CCNY: variants seen among roughly 807,000 people sequenced by gnomAD.
CCNY encodes the protein cyclin-Y.
Under a neutral mutation model 42.8 loss-of-function variants are expected in CCNY, and 19 were observed. The ratio of observed to expected loss-of-function variants is 0.44; its 90% CI spans 0.31 to 0.65. CCNY has a LOEUF of 0.65. Among genes scored for constraint, CCNY ranks in the 30% least tolerant of loss-of-function variants. The probability of loss-of-function intolerance (pLI) is 0.07; values close to 1 mark genes in which losing one functional copy is unlikely to be tolerated. For synonymous variants in CCNY, 165 were observed against 162.7 expected (o/e 1.01, Z -0.11); for missense variants, 370 against 437.3 (o/e 0.85, Z 1.37).
At chr10:35,412,307 T>TA (rs1837923849) in intron 1 of CCNY, among the ~76,000 whole-genome samples, 1 of 152,134 alleles carries the variant, frequency 6.6e-6, no homozygotes, top group South Asian at 2.1e-4. Flanking sequence ...TGATTGCCTA[T>TA]AAAAAATTAG....
At chr10:35,265,502 A>T (rs984730839) in intron 3 of CCNY, among the ~76,000 whole-genome samples, 1 of 152,224 alleles carries the variant, frequency 6.6e-6, no homozygotes, top group Admixed American at 6.5e-5. Flanking sequence ...TTTGGTGCAT[A>T]AATCAGTTAC....
chr10:35,384,659 G>A (rs541703150), intron 1 of CCNY, among the ~76,000 whole-genome samples: 1 of 152,212 alleles, frequency 6.6e-6, no homozygotes, highest in African/African-American at 2.4e-5. Flanking sequence ...ACTCACATAG[G>A]GTGAGTCCAT....
chr10:35,373,516 C>T (rs965310571), intron 1 of CCNY, among the ~76,000 whole-genome samples: 1 of 152,114 alleles, frequency 6.6e-6, no homozygotes, highest in Admixed American at 6.6e-5. Flanking sequence ...TAAAGAGGAA[C>T]GGCATACCTC....
chr10:35,548,728 A>G (rs2135445131), intron 7 of CCNY, among the ~76,000 whole-genome samples: 1 of 151,702 alleles, frequency 6.6e-6, no homozygotes, highest in East Asian at 1.9e-4. Context: ...TGTGGAAGCG[A>G]AAGAGGTGGA....
chr10:35,516,519 C>G lies in CCNY; in HGVS notation c.265-4C>G. On this transcript the variant is annotated splice_region_variant and splice_polypyrimidine_tract_variant and intron_variant, in intron 3 of 9. Coordinates refer to ENST00000374704, the MANE Select transcript of CCNY (RefSeq NM_145012.6). The stretch of plus-strand genomic sequence containing the variant: ...GCCTTAATCTTCTTGCTGTTGTTTT[C>G]TAGCATCCTCCAGGACAAATAGCAA... 1.9e-6 allele frequency: 3 copies of G among 1,607,808 alleles called. No individual in the cohort carries two copies. The highest frequency in any genetic ancestry group is 2.6e-6 in the Non-Finnish European group (3 of 1,174,628).
Position 35,336,648 on chromosome 10 carries a change from G to GGCGGCCGCCGTCGCC in CCNY, c.-403_-389dup, listed in dbSNP as rs996929881. On this transcript the variant is annotated 5_prime_UTR_variant, in exon 1 of 10. Coordinates refer to ENST00000374704, the MANE Select transcript of CCNY (RefSeq NM_145012.6). The stretch of plus-strand genomic sequence containing the variant: ...GGCTTGAACCGGAACCTCTTGCCGA[G>GGCGGCCGCCGTCGCC]GCGGCCGCCGTCGCCGCAGCCGCCG... 4.1e-5 allele frequency among the ~76,000 whole-genome samples: 6 copies of GGCGGCCGCCGTCGCC among 147,978 alleles called. No individual in the cohort carries two copies. Among genetic ancestry groups the GGCGGCCGCCGTCGCC allele is most frequent in the Non-Finnish European group, 9.0e-5 (6 of 66,318 alleles).
At chr10:35,382,928 G>A (rs1424435780) in intron 1 of CCNY, among the ~76,000 whole-genome samples, 2 of 152,180 alleles carry the variant, frequency 1.3e-5, no homozygotes, top group East Asian at 3.8e-4. Flanking sequence ...CTCATGACCA[G>A]TAGAGAGTCA....
At chr10:35,376,535 A>G (rs909196011) in intron 1 of CCNY, among the ~76,000 whole-genome samples, 8 of 152,228 alleles carry the variant, frequency 5.3e-5, no homozygotes, top group East Asian at 1.9e-4. Context: ...TTGAGTGCCA[A>G]CATGATGCTC....
intron 3 of CCNY, among the ~76,000 whole-genome samples, chr10:35,312,153 G>A (rs1300653665): frequency 3.9e-5 from 6 of 152,072 alleles, no homozygotes; most frequent in Non-Finnish European, 7.4e-5. Flanking sequence ...TGAGGCAGGC[G>A]GATCACGAGG....
intron 1 of CCNY, among the ~76,000 whole-genome samples, chr10:35,367,756 G>A (rs891041498): frequency 2.6e-5 from 4 of 152,146 alleles, no homozygotes; most frequent in South Asian, 4.1e-4. Context: ...GACTATTGCA[G>A]GTCTGCAGTT....
chr10:35,429,293 G>A (rs1436987544), intron 1 of CCNY, among the ~76,000 whole-genome samples: 1 of 152,134 alleles, frequency 6.6e-6, no homozygotes, highest in African/African-American at 2.4e-5. Flanking sequence ...ACCAGTTTTT[G>A]TTTTGAGAAA....
At chr10:35,335,205 G>A (rs897588109), upstream of CCNY, among the ~76,000 whole-genome samples, 2 of 151,932 alleles carry the variant, frequency 1.3e-5, no homozygotes, top group East Asian at 3.9e-4. Context: ...GTGGGCGTCG[G>A]GAGGGAATGC....
At chr10:35,515,354 C>G (rs1377208491) in intron 3 of CCNY, among the ~76,000 whole-genome samples, 1 of 152,194 alleles carries the variant, frequency 6.6e-6, no homozygotes, top group Non-Finnish European at 1.5e-5. Flanking sequence ...CATTTGTTAT[C>G]TAGTTTTGAG....
At chr10:35,407,122 G>A (rs901592914) in intron 1 of CCNY, among the ~76,000 whole-genome samples, 3 of 152,154 alleles carry the variant, frequency 2.0e-5, no homozygotes, top group Non-Finnish European at 4.4e-5. Context: ...GAAAAAAGGA[G>A]CATTAACCTT....
chr10:35,376,217 G>A (rs1342242337), intron 1 of CCNY, among the ~76,000 whole-genome samples: 2 of 152,182 alleles, frequency 1.3e-5, no homozygotes, highest in Non-Finnish European at 2.9e-5. Context: ...TACATTGCTG[G>A]TATAAAATGG....
intron 1 of CCNY, among the ~76,000 whole-genome samples, chr10:35,412,579 T>C (rs563973573): frequency 1.3e-5 from 2 of 151,812 alleles, no homozygotes; most frequent in African/African-American, 2.4e-5. Flanking sequence ...AGCTGGGCGC[T>C]GTGGCTCATG....
chr10:35,308,253 A>T (rs1835638212), intron 3 of CCNY, among the ~76,000 whole-genome samples: 1 of 151,420 alleles, frequency 6.6e-6, no homozygotes, highest in Non-Finnish European at 1.5e-5. Flanking sequence ...CACGCAAAAG[A>T]GGAGGAGGTG....
intron 2 of CCNY, among the ~76,000 whole-genome samples, chr10:35,493,578 C>T (rs539007615): frequency 5.0e-4 from 76 of 152,298 alleles, no homozygotes; most frequent in African/African-American, 1.8e-3. Context: ...GATGCAGTCA[C>T]CATGTAAGAA....
chr10:35,507,769 C>T (rs752199062), intron 3 of CCNY, among the ~76,000 whole-genome samples: 1 of 149,622 alleles, frequency 6.7e-6, no homozygotes, highest in Non-Finnish European at 1.5e-5. Flanking sequence ...AGGACATTGA[C>T]ACTGTTGAAG....
Sources: gnomAD v4.1 joint callset for allele counts (sites outside exome capture counted in the v4.1 genomes callset) on GRCh38, gnomAD v4.1.1 for gene constraint, MANE v1.5 for transcripts, NCBI Gene and HGNC (gene_info 2026-07-23, HGNC 2026-07-21) for gene names.